Variants in FBP1 observed in about 807,000 individuals in gnomAD.
FBP1 encodes fructose-1,6-bisphosphatase 1.
FBP1 carries 22 observed loss-of-function variants against 29.9 expected under a neutral mutation model. The observed-to-expected ratio is 0.74, with a 90% CI of 0.53 to 1.05. FBP1 has a LOEUF of 1.05. Ranked by LOEUF, FBP1 falls within the 50% of genes least tolerant of loss-of-function variation. The pLI is 0.00. For missense variants in FBP1, 345 were observed against 448.2 expected (o/e 0.77, Z 2.08); for synonymous variants, 175 against 178.6 (o/e 0.98, Z 0.16).
chr9:94,607,327 G>C (rs1486491584), intron 4 of FBP1, among the ~76,000 whole-genome samples: 1 of 152,134 alleles, frequency 6.6e-6, no homozygotes, highest in African/African-American at 2.4e-5. Flanking sequence ...TTACCAAACA[G>C]AAAAAAGGGT....
At chr9:94,631,739 A>G (rs1005114921) in intron 1 of FBP1, among the ~76,000 whole-genome samples, 1 of 152,206 alleles carries the variant, frequency 6.6e-6, no homozygotes, top group African/African-American at 2.4e-5. Flanking sequence ...CAGCTCAACC[A>G]AAAGGGAGGG....
chr9:94,637,582 G>C (rs1563990711), intron 1 of FBP1, among the ~76,000 whole-genome samples: 1 of 151,784 alleles, frequency 6.6e-6, no homozygotes, highest in Non-Finnish European at 1.5e-5. Flanking sequence ...GTAGAGACGG[G>C]GTTTCACCAT....
chr9:94,631,274 A>G (rs1004297007), intron 1 of FBP1, among the ~76,000 whole-genome samples: 3 of 152,190 alleles, frequency 2.0e-5, no homozygotes, highest in African/African-American at 7.2e-5. Flanking sequence ...GAAACTGCCT[A>G]TAATATCTCT....
chr9:94,620,592 A>G, intron 1 of FBP1, 101 bp from the exon 2 acceptor site: 2 of 1,175,336 alleles, frequency 1.7e-6, no homozygotes. Context: ...GATTTAGAAG[A>G]AAGAGTTCAT....
intron 2 of FBP1, among the ~76,000 whole-genome samples, chr9:94,618,761 G>A (rs1827900301): frequency 6.6e-6 from 1 of 152,162 alleles, no homozygotes. Flanking sequence ...GCAGGAGCTG[G>A]CTGGTATCGG....
chr9:94,621,088 C>T (rs570359424), intron 1 of FBP1, among the ~76,000 whole-genome samples: 1 of 152,012 alleles, frequency 6.6e-6, no homozygotes, highest in South Asian at 2.1e-4. Context: ...GTGGTGGGTG[C>T]CTGTAGTCCC....
intron 2 of FBP1, 51 bp downstream of exon 2, chr9:94,620,278 G>A (rs776256536): frequency 3.1e-6 from 5 of 1,594,304 alleles, no homozygotes; most frequent in Non-Finnish European, 3.4e-6. Context: ...TATGAAGCTG[G>A]GAAGAAGACC....
intron 1 of FBP1, among the ~76,000 whole-genome samples, chr9:94,627,321 C>G (rs1467441378): frequency 1.3e-5 from 2 of 152,168 alleles, no homozygotes; most frequent in African/African-American, 2.4e-5. Flanking sequence ...CACCACTGCA[C>G]TCCAGCCTGG....
intron 3 of FBP1, among the ~76,000 whole-genome samples, chr9:94,610,590 A>G (rs906649507): frequency 1.3e-5 from 2 of 152,204 alleles, no homozygotes; most frequent in African/African-American, 4.8e-5. Context: ...ATCTCCCCAG[A>G]GTCATTATGG....
chr9:94,620,229 C>T lies in FBP1; in HGVS notation c.333+100G>A. On this transcript the variant is annotated intron_variant, in intron 2 of 6. Coordinates refer to ENST00000375326, the MANE Select transcript of FBP1 (RefSeq NM_000507.4). The stretch of plus-strand genomic sequence containing the variant: ...AGACCACAGCAGGGATCTAGAGGGA[C>T]TCCCAGAAACCCAGCTCAGCTGAAC... 3.2e-6 allele frequency: 4 copies of T among 1,244,604 alleles called. No individual in the cohort carries two copies. In the South Asian group the frequency reaches 4.9e-5, roughly 15 times the overall value. 77.1% of individuals were successfully genotyped at this position (1,244,604 alleles called of 1,614,324 possible).
intron 3 of FBP1, among the ~76,000 whole-genome samples, chr9:94,610,648 A>C (rs2131477554): frequency 6.6e-6 from 1 of 152,350 alleles, no homozygotes; most frequent in African/African-American, 2.4e-5. Context: ...CATGGGAAGA[A>C]GCACATTTTA....
chr9:94,623,795 C>T (rs28369677), intron 1 of FBP1, among the ~76,000 whole-genome samples: 2,648 of 152,246 alleles, frequency 0.017, 33 homozygotes, highest in Non-Finnish European at 0.023. Context: ...GTTACAGTGC[C>T]GAACACGGTA....
chr9:94,622,150 T>C (rs1827958725), intron 1 of FBP1, among the ~76,000 whole-genome samples: 1 of 152,176 alleles, frequency 6.6e-6, no homozygotes, highest in Non-Finnish European at 1.5e-5. Flanking sequence ...AGTCAGTAAT[T>C]ATAGAATTCC....
intron 1 of FBP1, among the ~76,000 whole-genome samples, chr9:94,623,494 G>A (rs1040913567): frequency 6.6e-6 from 1 of 152,222 alleles, no homozygotes; most frequent in African/African-American, 2.4e-5. Context: ...TACACAAAAG[G>A]CCTAGCACTA....
Position 94,603,594 on chromosome 9 carries a change from C to T in FBP1, c.826-22G>A, listed in dbSNP as rs28369775. On this transcript the variant is annotated intron_variant, in intron 6 of 6. Transcript: ENST00000375326. ...TCAGCTGGAAAACAAGACCGGGTAG[C>T]GGCCTCCTTGTATCAGAAGGTATTG... 34,688 of 1,610,830 alleles carry T rather than the reference C, an allele frequency of 0.022. 467 individuals are homozygous for T. Among genetic ancestry groups the T allele is most frequent in the South Asian group, 0.045 (4,099 of 90,982 alleles).
At chr9:94,609,342 G>A (rs1027038589) in intron 4 of FBP1, among the ~76,000 whole-genome samples, 1 of 152,212 alleles carries the variant, frequency 6.6e-6, no homozygotes, top group Non-Finnish European at 1.5e-5. Flanking sequence ...CAGCCTTTTG[G>A]TGACTAAAGT....
chr9:94,617,777 G>GAT lies in FBP1; in HGVS notation c.415_416dup (p.Tyr140SerfsTer63). 6.2e-7 allele frequency: 1 copy of GAT among 1,610,904 alleles called. No individual in the cohort carries two copies. The highest frequency in any genetic ancestry group is 8.5e-7 in the Non-Finnish European group (1 of 1,177,216). The stretch of plus-strand genomic sequence containing the variant: ...AGATATCACGTTTTACCTTTCTATA[G>GAT]ATGCCAAAAATGGTTCCAACGGACA... On this transcript the variant is annotated frameshift_variant, in exon 3 of 7. Coordinates refer to ENST00000375326, the MANE Select transcript of FBP1 (RefSeq NM_000507.4). LOFTEE classifies it high-confidence loss of function.
intron 2 of FBP1, among the ~76,000 whole-genome samples, chr9:94,618,930 C>T (rs151175922): frequency 8.3e-4 from 127 of 152,300 alleles, no homozygotes; most frequent in Middle Eastern, 3.4e-3. Context: ...AGTTTACCAG[C>T]ACATCACTGG....
intron 1 of FBP1, 49 bp from the exon 2 acceptor site, chr9:94,620,540 G>A (rs1298055395): frequency 1.3e-6 from 2 of 1,585,600 alleles, no homozygotes; most frequent in Non-Finnish European, 1.7e-6. Flanking sequence ...ACCAGAACAT[G>A]TAGATGAGTC....
Sources: allele counts gnomAD v4.1 joint callset (sites outside exome capture counted in the v4.1 genomes callset), GRCh38; gene constraint gnomAD v4.1.1; transcripts MANE v1.5; gene names NCBI Gene and HGNC (gene_info 2026-07-23, HGNC 2026-07-21).